Variants in PAPPA2 observed in about 807,000 individuals in gnomAD.
PAPPA2 encodes pappalysin-2.
In PAPPA2, 86 loss-of-function variants were observed where a neutral mutation model predicts 176.4. The ratio of observed to expected loss-of-function variants is 0.49; its 90% CI spans 0.41 to 0.58. The LOEUF (loss-of-function observed/expected upper bound fraction) is 0.58. PAPPA2 is among the 20% of genes least tolerant of loss of function. The pLI is 0.00. For missense variants in PAPPA2, 2,073 were observed against 2,256.9 expected, an observed-to-expected ratio of 0.92 and a Z score of 1.65; for synonymous variants, 809 against 852.2, an observed-to-expected ratio of 0.95 and a Z score of 0.88.
At chr1:176,470,047 A>G (rs1463193174) in intron 1 of PAPPA2, among the ~76,000 whole-genome samples, 2 of 152,226 alleles carry the variant, frequency 1.3e-5, no homozygotes, top group African/African-American at 4.8e-5. Flanking sequence ...TCCAGAAAAC[A>G]TGATGGAATT....
chr1:176,725,426 A>T (rs1661819149), intron 12 of PAPPA2, among the ~76,000 whole-genome samples: 1 of 152,206 alleles, frequency 6.6e-6, no homozygotes, highest in Non-Finnish European at 1.5e-5. Flanking sequence ...TTAGTAAACA[A>T]TGCCTCATAT....
chr1:176,770,584 A>G (rs932444171), intron 16 of PAPPA2, among the ~76,000 whole-genome samples: 8 of 152,224 alleles, frequency 5.3e-5, no homozygotes, highest in Admixed American at 5.2e-4. Flanking sequence ...TAAAATGCTT[A>G]GAATAGTGCC....
At chr1:176,729,854 A>G (rs1362038733) in intron 12 of PAPPA2, among the ~76,000 whole-genome samples, 2 of 152,068 alleles carry the variant, frequency 1.3e-5, no homozygotes, top group Non-Finnish European at 2.9e-5. Flanking sequence ...CTTGAAAAAC[A>G]TACTTGTACA....
At chr1:176,804,829 GAT>G (rs976621742) in intron 21 of PAPPA2, among the ~76,000 whole-genome samples, 1 of 152,164 alleles carries the variant, frequency 6.6e-6, no homozygotes, top group Admixed American at 6.6e-5. Flanking sequence ...TTTGCACATG[GAT>G]TTTAAAATTA....
chr1:176,564,994 T>C (rs972699091), intron 2 of PAPPA2, among the ~76,000 whole-genome samples: 4 of 152,260 alleles, frequency 2.6e-5, no homozygotes, highest in Admixed American at 2.6e-4. Context: ...TCTATCTCTA[T>C]AGATTTGCCT....
At chr1:176,755,281 C>T (rs745754184) in intron 14 of PAPPA2, among the ~76,000 whole-genome samples, 2 of 152,100 alleles carry the variant, frequency 1.3e-5, no homozygotes, top group Non-Finnish European at 2.9e-5. Flanking sequence ...TATGTTCTTA[C>T]TTCTGCATGT....
intron 3 of PAPPA2, among the ~76,000 whole-genome samples, chr1:176,623,745 T>TTC (rs1573146919): frequency 1.8e-5 from 2 of 108,766 alleles, no homozygotes; most frequent in East Asian, 4.8e-4. Flanking sequence ...TCTTTCTCTC[T>TTC]CTTTCCTTCC....
At chr1:176,732,950 C>T (rs1431931872) in intron 12 of PAPPA2, among the ~76,000 whole-genome samples, 3 of 152,246 alleles carry the variant, frequency 2.0e-5, no homozygotes, top group East Asian at 1.9e-4. Context: ...ATATTGCCCC[C>T]CTGAGCTCCA....
chr1:176,781,365 CTTTTTTTTTTTTTTTTTTT>C (rs35029858), intron 17 of PAPPA2, among the ~76,000 whole-genome samples: 26 of 46,230 alleles, frequency 5.6e-4, no homozygotes, highest in African/African-American at 1.4e-3. Flanking sequence ...TTGTAAGGGG[CTTTTTTTTTTTTTTTTTTT>C]TTTTTTTTTT....
rs1165438427 is a variant in PAPPA2 at position 176,844,069 on chromosome 1, A to T, written c.*1615A>T. 1 of 152,060 alleles carries T rather than the reference A, an allele frequency of 6.6e-6. No homozygotes were observed. The highest frequency in any genetic ancestry group is 1.5e-5 in the Non-Finnish European group (1 of 68,018). 9.4% of individuals were successfully genotyped at this position (152,060 alleles called of 1,614,324 possible). A position where few individuals can be genotyped will look rare whatever the true frequency, so the allele number is the denominator to read the frequency against. On this transcript the variant is annotated 3_prime_UTR_variant, in exon 23 of 23. Transcript: ENST00000367662. Reference sequence around the variant, plus strand: ...CTGGGATGTGATCTACTGCAGTTACATTTTCTTGTAACGGTTTCTGGATTA... The same window carrying T: ...CTGGGATGTGATCTACTGCAGTTACTTTTTCTTGTAACGGTTTCTGGATTA...
At chr1:176,816,901 A>T (rs1666427955) in intron 21 of PAPPA2, among the ~76,000 whole-genome samples, 1 of 152,178 alleles carries the variant, frequency 6.6e-6, no homozygotes, top group African/African-American at 2.4e-5. Flanking sequence ...TCAAGCAAAG[A>T]TCTCTTCAAG....
At chr1:176,506,196 T>C (rs1648254958) in intron 1 of PAPPA2, among the ~76,000 whole-genome samples, 1 of 152,174 alleles carries the variant, frequency 6.6e-6, no homozygotes. Context: ...TCTGTTCTGT[T>C]CCATTGGTCT....
chr1:176,539,114 C>T (rs1650232924), intron 1 of PAPPA2, among the ~76,000 whole-genome samples: 1 of 152,170 alleles, frequency 6.6e-6, no homozygotes, highest in Non-Finnish European at 1.5e-5. Context: ...AATCCCCTCA[C>T]CAAACCCTTT....
intron 3 of PAPPA2, among the ~76,000 whole-genome samples, chr1:176,629,557 G>C (rs1408371197): frequency 6.6e-6 from 1 of 152,126 alleles, no homozygotes; most frequent in Non-Finnish European, 1.5e-5. Flanking sequence ...ATGTAATTCT[G>C]GGTGGGCTGA....
chr1:176,673,035 G>A (rs1659098464), intron 4 of PAPPA2, among the ~76,000 whole-genome samples: 1 of 152,086 alleles, frequency 6.6e-6, no homozygotes, highest in Admixed American at 6.6e-5. Context: ...TACTACGAGT[G>A]AAAAACTAGG....
intron 1 of PAPPA2, among the ~76,000 whole-genome samples, chr1:176,473,983 T>A (rs1056354644): frequency 1.3e-5 from 2 of 152,192 alleles, no homozygotes; most frequent in Non-Finnish European, 2.9e-5. Context: ...ACTTCTGATA[T>A]TTGATGGAAT....
chr1:176,703,987 G>A (rs984632004), intron 9 of PAPPA2, among the ~76,000 whole-genome samples: 1 of 6,068 alleles, frequency 1.6e-4, no homozygotes, highest in African/African-American at 3.3e-4. Context: ...TAATGTGCTG[G>A]GGGGGGTGGG....
chr1:176,489,863 G>A (rs1652813738), intron 1 of PAPPA2, among the ~76,000 whole-genome samples: 1 of 151,978 alleles, frequency 6.6e-6, no homozygotes, highest in South Asian at 2.1e-4. Flanking sequence ...TTAAAAGCAA[G>A]GACTGATGCT....
chr1:176,556,880 G>C lies in PAPPA2; in HGVS notation c.558G>C (p.Glu186Asp). ...CAACCCTGAACGAACCCAAACCAGA[G>C]ACCCAAAGGAGGGGCTGGGCCAAGT... The part of the protein sequence containing the change: ...IFTTLNEPKP[E>D]TQRRGWAKSR... The change falls in exon 2 of 23, where the codon GAG becomes GAC. Residue 186 changes from glutamate (E) to aspartate (D), a missense_variant. By Grantham distance (45) the Glu-to-Asp change is conservative. Transcript: ENST00000367662. The C allele has an allele frequency of 6.2e-7, 1 of 1,614,132 alleles. No individual in the cohort carries two copies.
Sources: allele counts gnomAD v4.1 joint callset (sites outside exome capture counted in the v4.1 genomes callset), GRCh38; gene constraint gnomAD v4.1.1; transcripts MANE v1.5; gene names NCBI Gene and HGNC (gene_info 2026-07-23, HGNC 2026-07-21).